ZNF566: variants seen among roughly 807,000 people sequenced by gnomAD.
The protein encoded by ZNF566 is zinc finger protein 566.
Under a neutral mutation model 32.8 loss-of-function variants are expected in ZNF566, and 27 were observed. That is an observed-to-expected ratio of 0.82 (90% CI 0.61 to 1.14). The LOEUF (loss-of-function observed/expected upper bound fraction) is 1.14, where lower values mean the gene tolerates loss of function less well. Ranked by LOEUF, ZNF566 falls within the 50% of genes most tolerant of loss-of-function variation. ZNF566 has a pLI of 0.00. For missense variants in ZNF566, 402 were observed against 490.4 expected (o/e 0.82, Z 1.70); for synonymous variants, 154 against 159.5 (o/e 0.97, Z 0.26).
In ZNF566 at chr19:36,446,870, G is replaced by T. The variant is rs2033007162; in HGVS notation, c.*2107C>A. 1 of 152,112 alleles carries T rather than the reference G, an allele frequency of 6.6e-6. No individual in the cohort carries two copies. 9.4% of individuals were successfully genotyped at this position (152,112 alleles called of 1,614,324 possible). On this transcript the variant is annotated 3_prime_UTR_variant, in exon 5 of 5. Coordinates refer to ENST00000452939, the MANE Select transcript of ZNF566 (RefSeq NM_001145344.1). ...AGGATCTAAGAAAAAAGGAAGTGGG[G>T]CATAAAATAACAGTTCTACAGACAT...
At chr19:36,451,933 G>C (rs947912054) in intron 4 of ZNF566, among the ~76,000 whole-genome samples, 1 of 152,108 alleles carries the variant, frequency 6.6e-6, no homozygotes, top group African/African-American at 2.4e-5. Flanking sequence ...CTTGAACCCA[G>C]GAGGTGGAGA....
At chr19:36,480,444 C>G (rs552964007) in intron 1 of ZNF566, among the ~76,000 whole-genome samples, 14 of 151,540 alleles carry the variant, frequency 9.2e-5, no homozygotes, top group South Asian at 2.1e-4. Context: ...GCCACCACAC[C>G]CGGCTAATTT....
At position 36,449,809 on chromosome 19, in the gene ZNF566, A is replaced by G. The variant is rs762798114; in HGVS notation, c.425T>C (p.Leu142Ser). 1 of 1,614,182 alleles carries G rather than the reference A, an allele frequency of 6.2e-7. No homozygotes were observed. Among genetic ancestry groups the G allele is most frequent in the South Asian group, 1.1e-5 (1 of 91,086 alleles). The change falls in exon 5 of 5, where the codon TTG becomes TCG. Residue 142 changes from leucine (L) to serine (S), a missense_variant. Leu to Ser is a moderately radical substitution (Grantham distance 145, BLOSUM62 -2). This residue lies in a region of ZNF566 where 220 missense variants were observed against 241.9 expected (regional missense o/e 0.91). Coordinates refer to ENST00000452939, the MANE Select transcript of ZNF566 (RefSeq NM_001145344.1). ...LGSQGGHFNQ[L>S]VFTHEDLPTL... ...GGGCAGATCTTCATGAGTGAATACC[A>G]ATTGATTGAAATGTCCCCCCTGAGA...
chr19:36,477,193 G>C (rs1203007512), intron 1 of ZNF566, among the ~76,000 whole-genome samples: 2 of 149,256 alleles, frequency 1.3e-5, no homozygotes, highest in African/African-American at 5.0e-5. Flanking sequence ...TGTATTTTTA[G>C]TAGTGATGGG....
In ZNF566 at chr19:36,472,908, T is replaced by C. The variant is rs776305929; in HGVS notation, c.232+3A>G. 3.7e-6 allele frequency: 6 copies of C among 1,611,852 alleles called. No individual in the cohort carries two copies. In the African/African-American group the frequency reaches 8.0e-5, roughly 22 times the overall value. On this transcript the variant is annotated splice_donor_region_variant and intron_variant, in intron 4 of 4. Coordinates refer to ENST00000452939, the MANE Select transcript of ZNF566 (RefSeq NM_001145344.1). ...CACGCATTACCTGCTGTGCCTCACT[T>C]ACCTGGCCACTGGCCTCTTGTTAGC...
At position 36,475,068 on chromosome 19, in the gene ZNF566, C is replaced by T. The variant is rs191733146; in HGVS notation, c.9+1481G>A. Among the ~76,000 whole-genome samples the T allele has an allele frequency of 6.4e-3, 968 of 152,242 alleles. 36 individuals are homozygous for T. The highest frequency in any genetic ancestry group is 0.058 in the Admixed American group (890 of 15,284). On this transcript the variant is annotated intron_variant, in intron 2 of 4. Coordinates refer to ENST00000452939, the MANE Select transcript of ZNF566 (RefSeq NM_001145344.1). ...GACATCATTGCTTTTGTTTTTTAAA[C>T]AGGATCTTCCTCTATCACCCAGGCC...
At chr19:36,459,061 T>G (rs2033391543) in intron 4 of ZNF566, among the ~76,000 whole-genome samples, 1 of 151,646 alleles carries the variant, frequency 6.6e-6, no homozygotes, top group Non-Finnish European at 1.5e-5. Context: ...TCAATAAAGC[T>G]AGGGAAAAAG....
chr19:36,463,537 CTTTTT>C (rs56787323), intron 4 of ZNF566, among the ~76,000 whole-genome samples: 1 of 106,290 alleles, frequency 9.4e-6, no homozygotes, highest in African/African-American at 3.5e-5. Context: ...AATGTAATTT[CTTTTT>C]TTTTTTTTTT....
intron 1 of ZNF566, among the ~76,000 whole-genome samples, chr19:36,480,288 CTTT>C (rs773998048): frequency 2.2e-5 from 3 of 136,834 alleles, no homozygotes. Flanking sequence ...ATTTTTTTTT[CTTT>C]TTTTTTTTTT....
intron 4 of ZNF566, among the ~76,000 whole-genome samples, chr19:36,471,295 GAA>G (rs1254171787): frequency 6.6e-6 from 1 of 151,598 alleles, no homozygotes; most frequent in Admixed American, 6.6e-5. Flanking sequence ...GTCTTAGAAT[GAA>G]AAGATTTCCC....
intron 4 of ZNF566, among the ~76,000 whole-genome samples, chr19:36,459,948 G>A (rs977141599): frequency 6.6e-6 from 1 of 150,774 alleles, no homozygotes; most frequent in Non-Finnish European, 1.5e-5. Context: ...AGCCTCCCAA[G>A]TAGCTGAGAT....
chr19:36,483,158 G>A (rs533415302), intron 1 of ZNF566, among the ~76,000 whole-genome samples: 2 of 152,156 alleles, frequency 1.3e-5, no homozygotes, highest in South Asian at 4.1e-4. Flanking sequence ...TTACAACTAG[G>A]GTAAAATCTC....
At chr19:36,465,006 T>C (rs866068103) in intron 4 of ZNF566, among the ~76,000 whole-genome samples, 1 of 152,112 alleles carries the variant, frequency 6.6e-6, no homozygotes, top group African/African-American at 2.4e-5. Context: ...AACATGCGAT[T>C]GATCAAAAAT....
At chr19:36,456,602 G>A (rs966512320) in intron 4 of ZNF566, 2 of 151,830 alleles carry the variant, frequency 1.3e-5, no homozygotes, top group Non-Finnish European at 2.9e-5. Flanking sequence ...AGCTAGGGGA[G>A]GGATAGGATT....
At chr19:36,470,272 C>A (rs993585561) in intron 4 of ZNF566, among the ~76,000 whole-genome samples, 7 of 152,188 alleles carry the variant, frequency 4.6e-5, no homozygotes, top group Admixed American at 1.3e-4. Context: ...ATCTATGCTG[C>A]GTCCAGTAAG....
chr19:36,483,546 C>A (rs189015093), intron 1 of ZNF566, among the ~76,000 whole-genome samples: 57 of 151,958 alleles, frequency 3.8e-4, no homozygotes, highest in African/African-American at 1.4e-3. Flanking sequence ...TGAAAAGACA[C>A]AAGAGCCAAC....
At chr19:36,474,935 T>TTGGCCCAATCTTATTTATAA (rs1162697262) in intron 2 of ZNF566, among the ~76,000 whole-genome samples, 2 of 152,210 alleles carry the variant, frequency 1.3e-5, no homozygotes, top group African/African-American at 4.8e-5. Flanking sequence ...CTCGCCAACA[T>TTGGCCCAATCTTATTTATAA]TGGCCCAATC....
At chr19:36,476,357 C>CTT (rs36152613) in intron 2 of ZNF566, 192 bp downstream of exon 2, 603 of 399,846 alleles carry the variant, frequency 1.5e-3, no homozygotes, top group African/African-American at 2.2e-3. Flanking sequence ...GTAATCAATT[C>CTT]TTTTTTTTTC....
intron 4 of ZNF566, among the ~76,000 whole-genome samples, chr19:36,456,132 G>C (rs1236244508): frequency 6.6e-6 from 1 of 151,850 alleles, no homozygotes; most frequent in East Asian, 1.9e-4. Flanking sequence ...ATCAGAAAAA[G>C]AAATCAAGAA....
Sources: gnomAD v4.1 joint callset for allele counts (sites outside exome capture counted in the v4.1 genomes callset) on GRCh38, gnomAD v4.1.1 for gene constraint, gnomAD v4.1.1 regional missense constraint, MANE v1.5 for transcripts, NCBI Gene and HGNC (gene_info 2026-07-23, HGNC 2026-07-21) for gene names.